The following AK9 variants were observed in gnomAD, a reference collection of about 807,000 sequenced individuals.
AK9 encodes the protein adenylate kinase domain containing 1.
AK9 carries 191 observed loss-of-function variants against 239.6 expected under a neutral mutation model. The ratio of observed to expected loss-of-function variants is 0.80; its 90% CI spans 0.71 to 0.90. The LOEUF (loss-of-function observed/expected upper bound fraction) is 0.90. Ranked by LOEUF, AK9 falls within the 40% of genes least tolerant of loss-of-function variation. AK9 has a pLI of 0.00. For synonymous variants in AK9, 689 were observed against 721.0 expected, an observed-to-expected ratio of 0.96 and a Z score of 0.71; for missense variants, 1,995 against 2,214.7, an observed-to-expected ratio of 0.90 and a Z score of 1.99.
chr6:109,611,686 T>A (rs1793601808), intron 16 of AK9, among the ~76,000 whole-genome samples: 1 of 152,152 alleles, frequency 6.6e-6, no homozygotes, highest in Non-Finnish European at 1.5e-5. Flanking sequence ...TCCTGCTAGG[T>A]ACACTGATGT....
intron 20 of AK9, among the ~76,000 whole-genome samples, chr6:109,578,599 T>C (rs550688988): frequency 3.3e-4 from 51 of 152,308 alleles, no homozygotes; most frequent in African/African-American, 1.2e-3. Flanking sequence ...TTTGGGTTGT[T>C]CTTGCTTCTC....
chr6:109,649,935 T>A (rs1421334520), intron 8 of AK9, among the ~76,000 whole-genome samples: 3 of 152,034 alleles, frequency 2.0e-5, no homozygotes, highest in African/African-American at 4.8e-5. Flanking sequence ...ATGCCGCAGA[T>A]CTACAACTAT....
chr6:109,580,771 C>T (rs1484398860), intron 19 of AK9, among the ~76,000 whole-genome samples: 1 of 152,216 alleles, frequency 6.6e-6, no homozygotes, highest in Admixed American at 6.5e-5. Flanking sequence ...TTGCTCGTGA[C>T]TCAGCCCTCT....
chr6:109,526,985 T>C (rs77581845), intron 29 of AK9, among the ~76,000 whole-genome samples: 1 of 152,242 alleles, frequency 6.6e-6, no homozygotes, highest in East Asian at 1.9e-4. Context: ...ACAATGTGTC[T>C]CTATTACTCT....
intron 27 of AK9, among the ~76,000 whole-genome samples, chr6:109,535,225 G>A (rs542415783): frequency 2.0e-5 from 3 of 152,312 alleles, no homozygotes; most frequent in East Asian, 3.9e-4. Context: ...CTCACCAACA[G>A]TGTAAAAGCA....
intron 17 of AK9, among the ~76,000 whole-genome samples, chr6:109,605,774 A>AG (rs1347160613): frequency 6.6e-6 from 1 of 152,170 alleles, no homozygotes; most frequent in Non-Finnish European, 1.5e-5. Flanking sequence ...TGGGTACCTG[A>AG]GGATGCAAGT....
intron 15 of AK9, among the ~76,000 whole-genome samples, chr6:109,613,719 T>C (rs1406837505): frequency 6.6e-6 from 1 of 151,164 alleles, no homozygotes; most frequent in African/African-American, 2.4e-5. Flanking sequence ...AGCTATTCTA[T>C]AATATATTAC....
chr6:109,657,213 C>A (rs1206385967), intron 7 of AK9, among the ~76,000 whole-genome samples: 1 of 152,156 alleles, frequency 6.6e-6, no homozygotes, highest in African/African-American at 2.4e-5. Context: ...GTAGTTCATT[C>A]ATTCAAGTAT....
rs1242533897 is a variant in AK9 at position 109,514,309 on chromosome 6, G to A, written c.4194C>T (p.Ile1398=). ...ETKEKFMKNP[I]KYIRQPKPKP... ...TAGGTTTGGGTTGGCGGATATATTT[G>A]ATTGGGTTCTTCATAAATTTTTCTT... The change falls in exon 32 of 41, where the codon ATC becomes ATT. Residue 1398 remains isoleucine (I), a synonymous_variant. Transcript: ENST00000424296. The A allele has an allele frequency of 6.4e-7, 1 of 1,551,564 alleles. No individual in the cohort carries two copies. Among genetic ancestry groups the A allele is most frequent in the African/African-American group, 1.4e-5 (1 of 73,004 alleles).
rs1783900384 is a variant in AK9 at position 109,548,503 on chromosome 6, A to T, written c.2964+1587T>A. 2.0e-5 allele frequency among the ~76,000 whole-genome samples: 3 copies of T among 152,194 alleles called. No homozygotes were observed. The South Asian group carries it at 6.2e-4, about 32-fold the overall frequency. Reference sequence around the variant, plus strand: ...AGTTTCCAAATGGACAATTTGTTTGAAAAAAGGACAAGACAATGTTGAAGA... The same window carrying T: ...AGTTTCCAAATGGACAATTTGTTTGTAAAAAGGACAAGACAATGTTGAAGA... On this transcript the variant is annotated intron_variant, in intron 25 of 40. Transcript: ENST00000424296.
chr6:109,582,553 TG>T (rs1397272865), intron 19 of AK9, among the ~76,000 whole-genome samples: 1 of 152,160 alleles, frequency 6.6e-6, no homozygotes, highest in Non-Finnish European at 1.5e-5. Context: ...TGCAATCTCA[TG>T]ATCAAACTTG....
intron 38 of AK9, 93 bp downstream of exon 38, chr6:109,497,372 T>G: frequency 1.3e-6 from 1 of 753,906 alleles, no homozygotes; most frequent in Non-Finnish European, 2.3e-6. Context: ...ACTCTCTCTC[T>G]CTCTCTCTCT....
chr6:109,539,117 C>T (rs1182435203), intron 27 of AK9, among the ~76,000 whole-genome samples: 2 of 151,976 alleles, frequency 1.3e-5, no homozygotes, highest in Non-Finnish European at 2.9e-5. Context: ...ATCTTTGTGG[C>T]GTTCTCTGTA....
Position 109,549,826 on chromosome 6 carries a change from C to T in AK9, c.2964+264G>A, listed in dbSNP as rs575438654. 3.1e-4 allele frequency: 79 copies of T among 256,216 alleles called. 1 individual carries two copies. In the South Asian group the frequency reaches 3.3e-3, roughly 11 times the overall value. The allele number at this position is 256,216 out of a possible 1,614,324, so 15.9% of individuals were successfully genotyped here. Reference sequence around the variant, plus strand: ...GACTACAGGCGCGCGCCACCATGCCCGGCTAATTTTTGTATTTTTAGTAGA... The same window carrying T: ...GACTACAGGCGCGCGCCACCATGCCTGGCTAATTTTTGTATTTTTAGTAGA... On this transcript the variant is annotated intron_variant, in intron 25 of 40. Coordinates refer to ENST00000424296, the MANE Select transcript of AK9 (RefSeq NM_001145128.3).
rs545147049 is a variant in AK9, at chr6:109,535,480, G to C, written c.3351-2010C>G. Among the ~76,000 whole-genome samples, 299 of 152,236 alleles carry C rather than the reference G, an allele frequency of 2.0e-3. 2 individuals are homozygous for C. Among genetic ancestry groups the C allele is most frequent in the Admixed American group, 3.5e-3 (54 of 15,286 alleles). On this transcript the variant is annotated intron_variant, in intron 27 of 40. Coordinates refer to ENST00000424296, the MANE Select transcript of AK9 (RefSeq NM_001145128.3). ...TTGCTTTTTTCTTGTAAATTTGTTT[G>C]AGTTCTTTGTAGATTCTGGATATTA... is the stretch of plus-strand genomic sequence containing the variant.
intron 10 of AK9, among the ~76,000 whole-genome samples, chr6:109,637,660 G>C (rs564574544): frequency 3.2e-4 from 49 of 152,224 alleles, no homozygotes; most frequent in African/African-American, 1.1e-3. Context: ...TGTTTAAAAA[G>C]CTTCCTAGAT....
chr6:109,647,800 C>CACACA (rs1798291877), intron 8 of AK9, among the ~76,000 whole-genome samples: 1 of 151,380 alleles, frequency 6.6e-6, no homozygotes, highest in East Asian at 1.9e-4. Context: ...TTCTCAGCAC[C>CACACA]ACACCACACC....
chr6:109,566,805 T>G (rs1481440903), intron 21 of AK9, among the ~76,000 whole-genome samples: 1 of 152,154 alleles, frequency 6.6e-6, no homozygotes, highest in Non-Finnish European at 1.5e-5. Flanking sequence ...ACATGGAAAC[T>G]GAACAACCTG....
At chr6:109,644,814 G>A in intron 8 of AK9, 126 bp from the exon 9 acceptor site, 3 of 630,238 alleles carry the variant, frequency 4.8e-6, no homozygotes, top group East Asian at 6.4e-5. Flanking sequence ...ATGCTATAAT[G>A]TATGTTATTT....
Sources: gnomAD v4.1 joint callset for allele counts (sites outside exome capture counted in the v4.1 genomes callset) on GRCh38, gnomAD v4.1.1 for gene constraint, MANE v1.5 for transcripts, NCBI Gene and HGNC (gene_info 2026-07-23, HGNC 2026-07-21) for gene names.